SERGEF: variants seen among roughly 807,000 people sequenced by gnomAD.
SERGEF encodes the protein secretion regulating guanine nucleotide exchange factor.
Under a neutral mutation model 50.0 loss-of-function variants are expected in SERGEF, and 51 were observed. That is an observed-to-expected ratio of 1.02 (90% confidence interval 0.81 to 1.29). The LOEUF (loss-of-function observed/expected upper bound fraction) is 1.29. SERGEF is among the 50% of genes most tolerant of loss of function. The pLI, the probability that SERGEF is intolerant of heterozygous loss-of-function variation, is 0.00. For missense variants in SERGEF, 521 were observed against 557.0 expected (o/e 0.94, Z 0.65); for synonymous variants, 205 against 212.4 (o/e 0.97, Z 0.30).
At chr11:17,922,622 G>A (rs1311436677) in intron 9 of SERGEF, among the ~76,000 whole-genome samples, 1 of 152,066 alleles carries the variant, frequency 6.6e-6, no homozygotes, top group African/African-American at 2.4e-5. Context: ...CTCCACTGGG[G>A]GTATTTTTTA....
chr11:17,827,510 T>C (rs1850217920), intron 10 of SERGEF, among the ~76,000 whole-genome samples: 2 of 152,212 alleles, frequency 1.3e-5, no homozygotes, highest in African/African-American at 2.4e-5. Context: ...CTGCAGTGTA[T>C]GTTCAAATCC....
intron 9 of SERGEF, among the ~76,000 whole-genome samples, chr11:17,928,854 C>A (rs1323109364): frequency 6.6e-6 from 1 of 152,078 alleles, no homozygotes; most frequent in Non-Finnish European, 1.5e-5. Flanking sequence ...GCTATTCTAA[C>A]CTTTTCCAGG....
intron 8 of SERGEF, among the ~76,000 whole-genome samples, chr11:17,966,531 A>G (rs1853129263): frequency 6.6e-6 from 1 of 152,222 alleles, no homozygotes; most frequent in Non-Finnish European, 1.5e-5. Context: ...AATGACTGGT[A>G]TACAATTTAA....
chr11:17,878,371 G>A, intron 9 of SERGEF, 127 bp from the exon 10 acceptor site: 1 of 644,406 alleles, frequency 1.6e-6, no homozygotes, highest in South Asian at 1.9e-5. Flanking sequence ...ATAGAAAGAA[G>A]CATCACATAC....
intron 1 of SERGEF, among the ~76,000 whole-genome samples, chr11:18,012,037 CAT>C (rs1175343754): frequency 1.3e-5 from 2 of 152,142 alleles, no homozygotes; most frequent in African/African-American, 4.8e-5. Context: ...GTATTTCACT[CAT>C]GTGTATTTCC....
intron 8 of SERGEF, among the ~76,000 whole-genome samples, chr11:17,978,964 A>G (rs748984379): frequency 6.6e-6 from 1 of 152,204 alleles, no homozygotes; most frequent in Non-Finnish European, 1.5e-5. Flanking sequence ...CACATGCTAC[A>G]CTTCTCTAGA....
intron 6 of SERGEF, among the ~76,000 whole-genome samples, chr11:17,995,112 G>C (rs1853809761): frequency 6.6e-6 from 1 of 152,160 alleles, no homozygotes; most frequent in African/African-American, 2.4e-5. Context: ...GAAAGAGAGA[G>C]AGAGACAGGG....
Position 18,007,468 on chromosome 11 carries a change from A to C in SERGEF, c.196+473T>G, listed in dbSNP as rs570252196. On this transcript the variant is annotated intron_variant, in intron 2 of 10. Coordinates refer to ENST00000265965, the MANE Select transcript of SERGEF (RefSeq NM_012139.4). ...ACCCAGAGATTTGATTCCAGAGCTC[A>C]TGTTCTCAACCAGATGCAATATGCC... Among the ~76,000 whole-genome samples, 4 of 152,196 alleles carry C rather than the reference A, an allele frequency of 2.6e-5. No homozygotes were observed. In the East Asian group the frequency reaches 7.8e-4, roughly 30 times the overall value.
intron 5 of SERGEF, among the ~76,000 whole-genome samples, chr11:18,000,122 T>C (rs1015869224): frequency 6.6e-6 from 1 of 152,188 alleles, no homozygotes; most frequent in Non-Finnish European, 1.5e-5. Context: ...CTCCTAAAGT[T>C]AAGTTTCCTC....
intron 10 of SERGEF, among the ~76,000 whole-genome samples, chr11:17,790,335 A>AT (rs1221018436): frequency 6.8e-6 from 1 of 146,500 alleles, no homozygotes; most frequent in African/African-American, 2.5e-5. Context: ...AATCATTCAC[A>AT]TATTTTTTTT....
intron 9 of SERGEF, among the ~76,000 whole-genome samples, chr11:17,942,179 T>C (rs1303933848): frequency 6.6e-6 from 1 of 152,176 alleles, no homozygotes; most frequent in Non-Finnish European, 1.5e-5. Context: ...GGGGTTGCTT[T>C]AAATCTACAA....
At chr11:17,954,186 T>C (rs1852820385) in intron 9 of SERGEF, among the ~76,000 whole-genome samples, 1 of 152,228 alleles carries the variant, frequency 6.6e-6, no homozygotes, top group Non-Finnish European at 1.5e-5. Flanking sequence ...TTTCAGGTTG[T>C]GTTCAATTCT....
At chr11:17,982,270 T>A (rs1426816527) in intron 8 of SERGEF, among the ~76,000 whole-genome samples, 1 of 152,216 alleles carries the variant, frequency 6.6e-6, no homozygotes, top group East Asian at 1.9e-4. Flanking sequence ...TGGTCCTAGC[T>A]CCTTCATTCA....
chr11:17,824,922 T>C (rs1850163543), intron 10 of SERGEF, among the ~76,000 whole-genome samples: 2 of 152,236 alleles, frequency 1.3e-5, no homozygotes, highest in Admixed American at 6.5e-5. Context: ...AATGCTTCTG[T>C]CTTGTCTAAG....
intron 3 of SERGEF, among the ~76,000 whole-genome samples, chr11:18,004,786 C>T (rs555275524): frequency 6.6e-6 from 1 of 152,302 alleles, no homozygotes; most frequent in Middle Eastern, 3.4e-3. Flanking sequence ...CTCAGTGCCT[C>T]GTATTGGGAT....
chr11:17,797,583 A>G (rs1025221934), intron 10 of SERGEF, among the ~76,000 whole-genome samples: 1 of 149,652 alleles, frequency 6.7e-6, no homozygotes, highest in African/African-American at 2.5e-5. Context: ...TTTTTTTTTT[A>G]CAGTTTATTT....
intron 9 of SERGEF, among the ~76,000 whole-genome samples, chr11:17,943,476 CA>C (rs1473160979): frequency 6.6e-6 from 1 of 151,916 alleles, no homozygotes; most frequent in Non-Finnish European, 1.5e-5. Flanking sequence ...CCTGATAGTC[CA>C]GGTAGGGCTT....
intron 8 of SERGEF, among the ~76,000 whole-genome samples, chr11:17,964,495 T>C (rs766559322): frequency 1.3e-5 from 2 of 152,180 alleles, no homozygotes; most frequent in Non-Finnish European, 2.9e-5. Flanking sequence ...TAGAGGATCA[T>C]CCATATTTTC....
chr11:17,859,632 T>A (rs898002562), intron 10 of SERGEF, among the ~76,000 whole-genome samples: 2 of 152,058 alleles, frequency 1.3e-5, no homozygotes, highest in Admixed American at 6.6e-5. Context: ...TCAAGGCATG[T>A]CATCATAAAA....
Sources: gnomAD v4.1 joint callset for allele counts (sites outside exome capture counted in the v4.1 genomes callset) on GRCh38, gnomAD v4.1.1 for gene constraint, MANE v1.5 for transcripts, NCBI Gene and HGNC (gene_info 2026-07-23, HGNC 2026-07-21) for gene names.